ARHGAP18: variants seen among roughly 807,000 people sequenced by gnomAD.
The protein encoded by ARHGAP18 is Rho GTPase activating protein 18.
ARHGAP18 carries 67 observed loss-of-function variants against 86.2 expected under a neutral mutation model. The ratio of observed to expected loss-of-function variants is 0.78; its 90% CI spans 0.64 to 0.95. ARHGAP18 has a LOEUF of 0.95. Among genes scored for constraint, ARHGAP18 ranks in the 40% least tolerant of loss-of-function variants. The pLI is 0.00. For synonymous variants in ARHGAP18, 283 were observed against 280.4 expected (o/e 1.01, Z -0.09); for missense variants, 691 against 780.4 (o/e 0.89, Z 1.37).
chr6:129,701,520 C>T (rs1774710445), intron 1 of ARHGAP18, among the ~76,000 whole-genome samples: 1 of 152,132 alleles, frequency 6.6e-6, no homozygotes, highest in Non-Finnish European at 1.5e-5. Flanking sequence ...GCCTATAATC[C>T]CCACACTTTG....
At chr6:129,700,083 C>G (rs12193822) in intron 1 of ARHGAP18, among the ~76,000 whole-genome samples, 1 of 152,186 alleles carries the variant, frequency 6.6e-6, no homozygotes, top group Non-Finnish European at 1.5e-5. Flanking sequence ...ATACATTCAG[C>G]TGAACTCTGC....
At chr6:129,616,341 A>T (rs993020078) in intron 6 of ARHGAP18, 38 bp from the exon 7 acceptor site, 4 of 1,472,572 alleles carry the variant, frequency 2.7e-6, no homozygotes, top group Non-Finnish European at 3.7e-6. Context: ...ACTTTTGTCA[A>T]TCTATAAAAT....
At chr6:129,599,458 G>A (rs1788691652) in intron 11 of ARHGAP18, 102 bp from the exon 12 acceptor site, 1 of 1,086,342 alleles carries the variant, frequency 9.2e-7, no homozygotes, top group African/African-American at 1.7e-5. Context: ...ACAGTAAAGA[G>A]TTTCTCTTTT....
intron 7 of ARHGAP18, among the ~76,000 whole-genome samples, chr6:129,614,462 A>C (rs898756233): frequency 2.0e-5 from 3 of 152,204 alleles, no homozygotes; most frequent in Non-Finnish European, 4.4e-5. Flanking sequence ...CCAATCCTTC[A>C]AATAGATAAG....
intron 1 of ARHGAP18, among the ~76,000 whole-genome samples, chr6:129,700,997 C>T (rs1265443438): frequency 7.2e-6 from 1 of 139,006 alleles, no homozygotes; most frequent in African/African-American, 2.8e-5. Flanking sequence ...ACACCCCTCC[C>T]TTAAAAAAAA....
chr6:129,605,897 C>T lies in ARHGAP18; in HGVS notation c.1345G>A (p.Ala449Thr). The T allele has an allele frequency of 6.2e-7, 1 of 1,613,406 alleles. No individual in the cohort carries two copies. Among genetic ancestry groups the T allele is most frequent in the East Asian group, 2.2e-5 (1 of 44,850 alleles). Residue 449 changes from alanine (A) to threonine (T), a missense_variant, in exon 10 of 15, where the codon GCA becomes ACA. Physicochemically the swap from Ala to Thr is moderately conservative, Grantham distance 58 (BLOSUM62 0). Transcript: ENST00000368149. The part of the protein sequence containing the change: ...LNLLVILLPD[A>T]NRDTLKALLE... ...CTGACCTTCAGTGTGTCCCTGTTTG[C>T]ATCAGGTAGGAGGATGACAAGAAGG...
At chr6:129,664,940 G>A (rs1162003527) in intron 1 of ARHGAP18, among the ~76,000 whole-genome samples, 1 of 152,202 alleles carries the variant, frequency 6.6e-6, no homozygotes, top group East Asian at 1.9e-4. Flanking sequence ...GGGGGAAGGG[G>A]ATAGCGGGCA....
At chr6:129,690,483 A>G (rs927981014) in intron 1 of ARHGAP18, among the ~76,000 whole-genome samples, 8 of 152,230 alleles carry the variant, frequency 5.3e-5, no homozygotes, top group African/African-American at 1.9e-4. Context: ...CAATTCAGAG[A>G]CTAAAGAGAG....
intron 4 of ARHGAP18, among the ~76,000 whole-genome samples, chr6:129,630,648 A>G (rs1340657882): frequency 6.6e-6 from 1 of 152,252 alleles, no homozygotes; most frequent in Non-Finnish European, 1.5e-5. Flanking sequence ...GTTTTAATCA[A>G]AATCAAGTTT....
At chr6:129,669,782 C>CAA (rs58032097) in intron 1 of ARHGAP18, among the ~76,000 whole-genome samples, 3 of 138,822 alleles carry the variant, frequency 2.2e-5, no homozygotes, top group Admixed American at 7.1e-5. Context: ...TGAAACGTCT[C>CAA]AAAAAAAAAA....
In ARHGAP18 at chr6:129,608,064, GAAAAAAAAA is replaced by G. The variant is rs577070164; in HGVS notation, c.1123-21_1123-13del. The G allele has an allele frequency of 1.4e-4, 134 of 984,766 alleles. No individual in the cohort carries two copies. Among genetic ancestry groups the G allele is most frequent in the Admixed American group, 6.0e-4 (9 of 15,020 alleles). 61.0% of individuals were successfully genotyped at this position (984,766 alleles called of 1,614,324 possible). The stretch of plus-strand genomic sequence containing the variant: ...TCTTGGCAAAGATTCTGATAGGCAC[GAAAAAAAAA>G]AAAAAAAAAAAAAGAAGCAGCTAGA... On this transcript the variant is annotated splice_polypyrimidine_tract_variant and intron_variant, in intron 8 of 14. Coordinates refer to ENST00000368149, the MANE Select transcript of ARHGAP18 (RefSeq NM_033515.3).
chr6:129,659,278 C>T (rs1773901656), intron 1 of ARHGAP18, among the ~76,000 whole-genome samples: 1 of 152,170 alleles, frequency 6.6e-6, no homozygotes, highest in African/African-American at 2.4e-5. Context: ...TAGAGCCCAG[C>T]AGAGACAATT....
rs746764292 is a variant in ARHGAP18 at position 129,618,845 on chromosome 6, C to T, written c.794G>A (p.Arg265Lys). 6.2e-6 allele frequency: 10 copies of T among 1,611,648 alleles called. No individual in the cohort carries two copies. Among genetic ancestry groups the T allele is most frequent in the Non-Finnish European group, 7.6e-6 (9 of 1,179,334 alleles). Reference sequence around the variant, plus strand: ...GGTACCCGTTTTGTCTTTTGGCAATCTGAAACTCTAAAATAAACATCATTA... The same window carrying T: ...GGTACCCGTTTTGTCTTTTGGCAATTTGAAACTCTAAAATAAACATCATTA... ...KGDDATLPSFRLPKDKTGTTR... is the reference protein window; with the variant it reads ...KGDDATLPSFKLPKDKTGTTR... Residue 265 changes from arginine to lysine, a missense_variant, in exon 6 of 15, where the codon AGA becomes AAA. By Grantham distance (26) the Arg-to-Lys change is conservative. Transcript: ENST00000368149.
At chr6:129,606,494 T>C (rs1788856529) in intron 9 of ARHGAP18, among the ~76,000 whole-genome samples, 1 of 150,636 alleles carries the variant, frequency 6.6e-6, no homozygotes, top group South Asian at 2.1e-4. Flanking sequence ...AGGTGCATTA[T>C]TATCATTGAT....
At chr6:129,592,323 G>A (rs1788533336) in intron 12 of ARHGAP18, among the ~76,000 whole-genome samples, 1 of 152,172 alleles carries the variant, frequency 6.6e-6, no homozygotes, top group South Asian at 2.1e-4. Flanking sequence ...TCTAAACAGA[G>A]TTGTGCATAA....
chr6:129,658,334 T>C (rs1773881599), intron 1 of ARHGAP18, among the ~76,000 whole-genome samples: 1 of 152,154 alleles, frequency 6.6e-6, no homozygotes, highest in Non-Finnish European at 1.5e-5. Context: ...TTGATTTTGT[T>C]ATTTGGAGAT....
chr6:129,700,833 T>C (rs191000581), intron 1 of ARHGAP18, among the ~76,000 whole-genome samples: 125 of 152,252 alleles, frequency 8.2e-4, no homozygotes, highest in African/African-American at 2.8e-3. Flanking sequence ...AGCTGCTACA[T>C]GAAAGAAGCA....
intron 1 of ARHGAP18, among the ~76,000 whole-genome samples, chr6:129,696,865 C>T (rs1774625344): frequency 6.6e-6 from 1 of 152,206 alleles, no homozygotes; most frequent in Admixed American, 6.5e-5. Flanking sequence ...AGAATGACAT[C>T]TGGGTAGCTT....
chr6:129,629,231 CTG>C (rs1230534851), intron 5 of ARHGAP18, 120 bp downstream of exon 5: 56 of 844,798 alleles, frequency 6.6e-5, no homozygotes, highest in South Asian at 2.2e-4. Flanking sequence ...CTCTGTCTGT[CTG>C]TCTCTCTCTC....
Sources: gnomAD v4.1 joint callset for allele counts (sites outside exome capture counted in the v4.1 genomes callset) on GRCh38, gnomAD v4.1.1 for gene constraint, MANE v1.5 for transcripts, NCBI Gene and HGNC (gene_info 2026-07-23, HGNC 2026-07-21) for gene names.